The following SH3PXD2B variants were observed in gnomAD, a reference collection of about 807,000 sequenced individuals.
SH3PXD2B encodes SH3 and PX domains 2B.
A neutral mutation model predicts 73.1 loss-of-function variants in SH3PXD2B; 37 were observed. That is an observed-to-expected ratio of 0.51 (90% confidence interval 0.39 to 0.67). SH3PXD2B has a LOEUF of 0.67. SH3PXD2B is among the 30% of genes least tolerant of loss of function. SH3PXD2B has a pLI of 0.00. For synonymous variants in SH3PXD2B, 457 were observed against 480.5 expected (o/e 0.95, Z 0.64); for missense variants, 1,053 against 1,197.8 (o/e 0.88, Z 1.78).
At chr5:172,441,788 G>C (rs1204141476) in intron 1 of SH3PXD2B, among the ~76,000 whole-genome samples, 1 of 152,100 alleles carries the variant, frequency 6.6e-6, no homozygotes, top group East Asian at 1.9e-4. Context: ...AATGTAAAGG[G>C]AGTATGCTCT....
In SH3PXD2B at chr5:172,338,149, G is replaced by A. The variant is rs1016655396; in HGVS notation, c.*220C>T. 124 of 1,441,802 alleles carry A rather than the reference G, an allele frequency of 8.6e-5. No homozygotes were observed. Among genetic ancestry groups the A allele is most frequent in the Non-Finnish European group, 1.1e-4 (119 of 1,103,734 alleles). 89.3% of individuals were successfully genotyped at this position (1,441,802 alleles called of 1,614,324 possible). On this transcript the variant is annotated 3_prime_UTR_variant, in exon 13 of 13. Coordinates refer to ENST00000311601, the MANE Select transcript of SH3PXD2B (RefSeq NM_001017995.3). The surrounding 1 kb of genome is among the most constrained non-coding windows in gnomAD (Gnocchi z 5.1). ...ACATGGACAGAAAGCAAAGGCTGTG[G>A]GTTCTGAGCCTCCAGTGATGCTGTG...
Position 172,338,980 on chromosome 5 carries a change from C to A in SH3PXD2B, c.2125G>T (p.Ala709Ser), listed in dbSNP as rs201406507. ...TCCTGTTTGCCCGTCCTGTCCTGGGCGCGGCCAGGCCCCTCTCCTGGGAGG... is the reference window on the plus strand; with the variant it reads ...TCCTGTTTGCCCGTCCTGTCCTGGGAGCGGCCAGGCCCCTCTCCTGGGAGG... ...SFLPGEGPGR[A>S]QDRTGKQDGL... The change falls in exon 13 of 13, where the codon GCC (alanine) becomes TCC (serine). Residue 709 changes from alanine (A) to serine (S), a missense_variant. Transcript: ENST00000311601. This position sits in a 1 kb window ranked among gnomAD's most constrained non-coding sequence, Gnocchi z 5.1. 1.2e-6 allele frequency: 2 copies of A among 1,614,106 alleles called. No individual in the cohort carries two copies. The highest frequency in any genetic ancestry group is 4.5e-5 in the East Asian group (2 of 44,878).
chr5:172,382,468 C>T (rs1273705394), intron 4 of SH3PXD2B, among the ~76,000 whole-genome samples: 1 of 151,712 alleles, frequency 6.6e-6, no homozygotes, highest in Non-Finnish European at 1.5e-5. Flanking sequence ...GAGCCCCACC[C>T]GAGTTTCTGA....
At chr5:172,388,061 C>CA (rs1402231738) in intron 4 of SH3PXD2B, among the ~76,000 whole-genome samples, 1 of 152,162 alleles carries the variant, frequency 6.6e-6, no homozygotes, top group Non-Finnish European at 1.5e-5. Flanking sequence ...TTGTCAGTAT[C>CA]ACAGTGCCCA....
At chr5:172,326,158 T>C (rs1040956135) in intron 12 of SH3PXD2B, among the ~76,000 whole-genome samples, 2 of 152,212 alleles carry the variant, frequency 1.3e-5, no homozygotes, top group African/African-American at 4.8e-5. Context: ...GGGGACACAT[T>C]TGAACCATAG....
chr5:172,327,027 T>C (rs1000789079), intron 12 of SH3PXD2B, among the ~76,000 whole-genome samples: 1 of 151,968 alleles, frequency 6.6e-6, no homozygotes, highest in Non-Finnish European at 1.5e-5. Context: ...GCCTGGCTGA[T>C]TTTTGTATTT....
chr5:172,371,741 A>G (rs1757709917), intron 6 of SH3PXD2B, among the ~76,000 whole-genome samples: 1 of 152,152 alleles, frequency 6.6e-6, no homozygotes, highest in African/African-American at 2.4e-5. Context: ...CCGACTGGAC[A>G]TTTGTGTTTG....
chr5:172,366,346 C>T lies in SH3PXD2B; in HGVS notation c.428-3477G>A, dbSNP rs1757522962. ...CTGTCCTGCCCCTCCAGTCTGCCCT[C>T]CATACAGCAGCCAGAATGCTTGCTC... On this transcript the variant is annotated intron_variant, in intron 6 of 12. Transcript: ENST00000311601. Among the ~76,000 whole-genome samples, 5 of 152,332 alleles carry T rather than the reference C, an allele frequency of 3.3e-5. No homozygotes were observed. In the South Asian group the frequency reaches 1.0e-3, roughly 32 times the overall value.
chr5:172,417,320 C>T (rs759670732), intron 2 of SH3PXD2B, among the ~76,000 whole-genome samples: 12 of 152,170 alleles, frequency 7.9e-5, no homozygotes, highest in Non-Finnish European at 1.3e-4. Flanking sequence ...TCCCTGAAGT[C>T]GCTGGGCTAT....
At chr5:172,423,547 G>C (rs1042515929) in intron 1 of SH3PXD2B, among the ~76,000 whole-genome samples, 30 of 129,884 alleles carry the variant, frequency 2.3e-4, no homozygotes, top group African/African-American at 5.4e-4. Flanking sequence ...TACGGGGTTG[G>C]GGGGGGGGGC....
intron 1 of SH3PXD2B, among the ~76,000 whole-genome samples, chr5:172,428,572 A>G (rs1156745484): frequency 6.6e-6 from 1 of 152,188 alleles, no homozygotes; most frequent in Non-Finnish European, 1.5e-5. Context: ...CACGGTATCA[A>G]AGTATAACCC....
rs1267074868 is a variant in SH3PXD2B at position 172,454,221 on chromosome 5, C to T, written c.75+57G>A. On this transcript the variant is annotated intron_variant, in intron 1 of 12. Transcript: ENST00000311601. ...AGAAGTTTTCCAAGCCGGGGGCCCT[C>T]GGTCGCCCCCGACGGGGCGCGGGCT... 9.4e-6 allele frequency: 14 copies of T among 1,492,544 alleles called. No individual in the cohort carries two copies. In the South Asian group the frequency reaches 1.4e-4, roughly 15 times the overall value. 92.5% of individuals were successfully genotyped at this position (1,492,544 alleles called of 1,614,324 possible). A position where few individuals can be genotyped will look rare whatever the true frequency, so the allele number is the denominator to read the frequency against.
chr5:172,448,240 G>A (rs570053489), intron 1 of SH3PXD2B, among the ~76,000 whole-genome samples: 104 of 152,356 alleles, frequency 6.8e-4, no homozygotes, highest in Non-Finnish European at 1.4e-3. Flanking sequence ...AAAAGACCAC[G>A]AAAACTGCAT....
At chr5:172,419,049 C>A (rs1758890562) in intron 2 of SH3PXD2B, among the ~76,000 whole-genome samples, 1 of 152,122 alleles carries the variant, frequency 6.6e-6, no homozygotes, top group Non-Finnish European at 1.5e-5. Context: ...TTAACCAGCA[C>A]AATAAATGCA....
At chr5:172,448,642 A>G (rs1366137202) in intron 1 of SH3PXD2B, among the ~76,000 whole-genome samples, 3 of 152,178 alleles carry the variant, frequency 2.0e-5, no homozygotes, top group Non-Finnish European at 4.4e-5. Context: ...TAGCAGTTTT[A>G]TTCTTCCCAG....
chr5:172,370,520 C>T (rs1024858493), intron 6 of SH3PXD2B, among the ~76,000 whole-genome samples: 1 of 152,188 alleles, frequency 6.6e-6, no homozygotes, highest in Non-Finnish European at 1.5e-5. Context: ...TGGGCTGTGA[C>T]TCTGGGTTGG....
intron 2 of SH3PXD2B, among the ~76,000 whole-genome samples, chr5:172,416,686 C>T (rs1198210499): frequency 1.0e-5 from 1 of 95,342 alleles, no homozygotes; most frequent in Non-Finnish European, 1.9e-5. Flanking sequence ...GAGTCTCTCT[C>T]TCTCTCTCTC....
At chr5:172,360,847 A>G (rs939440468) in intron 7 of SH3PXD2B, among the ~76,000 whole-genome samples, 1 of 152,216 alleles carries the variant, frequency 6.6e-6, no homozygotes, top group African/African-American at 2.4e-5. Flanking sequence ...AAACTAAATA[A>G]GTAAAAAAAG....
intron 10 of SH3PXD2B, among the ~76,000 whole-genome samples, chr5:172,347,851 C>T (rs1275289808): frequency 6.6e-6 from 1 of 152,180 alleles, no homozygotes; most frequent in Non-Finnish European, 1.5e-5. Context: ...TGCTCTAGAA[C>T]AACCCAAACG....
Sources: allele counts gnomAD v4.1 joint callset (sites outside exome capture counted in the v4.1 genomes callset), GRCh38; gene constraint gnomAD v4.1.1; non-coding constraint Gnocchi (gnomAD v3.1); transcripts MANE v1.5; gene names NCBI Gene and HGNC (gene_info 2026-07-23, HGNC 2026-07-21).